Variants in SCAMP1 observed in about 807,000 individuals in gnomAD.
SCAMP1 encodes secretory carrier membrane protein 1.
A neutral mutation model predicts 41.8 loss-of-function variants in SCAMP1; 15 were observed. The observed-to-expected ratio is 0.36, with a 90% confidence interval of 0.24 to 0.55. The LOEUF (loss-of-function observed/expected upper bound fraction) is 0.55. Among genes scored for constraint, SCAMP1 ranks in the 20% least tolerant of loss-of-function variants. SCAMP1 has a pLI of 0.86. For synonymous variants in SCAMP1, 135 were observed against 136.8 expected, an observed-to-expected ratio of 0.99 and a Z score of 0.09; for missense variants, 341 against 412.6, an observed-to-expected ratio of 0.83 and a Z score of 1.50.
intron 7 of SCAMP1, among the ~76,000 whole-genome samples, chr5:78,451,479 C>T (rs1753224121): frequency 6.6e-6 from 1 of 152,158 alleles, no homozygotes; most frequent in Admixed American, 6.6e-5. Flanking sequence ...CCCCTTTTCC[C>T]ACTCCTTAAC....
At chr5:78,421,644 T>C (rs999766582) in intron 5 of SCAMP1, among the ~76,000 whole-genome samples, 157 bp from the exon 6 acceptor site, 8 of 152,224 alleles carry the variant, frequency 5.3e-5, no homozygotes, top group African/African-American at 1.2e-4. Context: ...AAATCAAATA[T>C]GTAAGATACA....
Position 78,480,104 on chromosome 5 carries a change from A to AT in SCAMP1, c.*4437dup, listed in dbSNP as rs1754106795. On this transcript the variant is annotated 3_prime_UTR_variant, in exon 9 of 9. Coordinates refer to ENST00000621999, the MANE Select transcript of SCAMP1 (RefSeq NM_004866.6). ...GCCGTGTTTCAAATGGCAAGGGAAC[A>AT]TGGGAACTATCATGTGGCAATGTAG... Among the ~76,000 whole-genome samples the AT allele has an allele frequency of 6.6e-6, 1 of 152,118 alleles. No homozygotes were observed. Among genetic ancestry groups the AT allele is most frequent in the Non-Finnish European group, 1.5e-5 (1 of 68,028 alleles).
At chr5:78,411,988 TTTGA>T (rs1198312628) in intron 2 of SCAMP1, among the ~76,000 whole-genome samples, 1 of 152,112 alleles carries the variant, frequency 6.6e-6, no homozygotes, top group Non-Finnish European at 1.5e-5. Flanking sequence ...TGTGCATTTC[TTTGA>T]TTACTAATGA....
chr5:78,408,589 T>C (rs1203165156), intron 2 of SCAMP1, among the ~76,000 whole-genome samples: 1 of 152,018 alleles, frequency 6.6e-6, no homozygotes, highest in Non-Finnish European at 1.5e-5. Flanking sequence ...TGGTAGGTTT[T>C]TGGTTTTTGT....
At chr5:78,408,112 C>G (rs1197896518) in intron 2 of SCAMP1, among the ~76,000 whole-genome samples, 1 of 152,056 alleles carries the variant, frequency 6.6e-6, no homozygotes, top group Non-Finnish European at 1.5e-5. Flanking sequence ...TAAAGACATA[C>G]CCGAGACCAG....
At chr5:78,464,842 C>T (rs537129441) in intron 8 of SCAMP1, among the ~76,000 whole-genome samples, 66 of 152,254 alleles carry the variant, frequency 4.3e-4, no homozygotes, top group African/African-American at 1.6e-3. Flanking sequence ...CGGAGAATCA[C>T]AGATTGGGAT....
intron 1 of SCAMP1, among the ~76,000 whole-genome samples, chr5:78,362,295 G>A (rs913576805): frequency 6.6e-6 from 1 of 152,172 alleles, no homozygotes; most frequent in Non-Finnish European, 1.5e-5. Flanking sequence ...TGTTTATTCA[G>A]CATCTGACGA....
intron 2 of SCAMP1, among the ~76,000 whole-genome samples, chr5:78,398,714 T>G (rs1269166356): frequency 6.6e-6 from 1 of 151,798 alleles, no homozygotes; most frequent in African/African-American, 2.4e-5. Context: ...CGCCTACTTT[T>G]TTGTATTTTT....
chr5:78,431,278 C>T (rs1361870117), intron 6 of SCAMP1, among the ~76,000 whole-genome samples: 1 of 140,010 alleles, frequency 7.1e-6, no homozygotes, highest in Non-Finnish European at 1.6e-5. Context: ...TGCTTTTGTA[C>T]TTTTTTTTTT....
At chr5:78,366,919 T>TC (rs1750810873) in intron 1 of SCAMP1, among the ~76,000 whole-genome samples, 1 of 61,184 alleles carries the variant, frequency 1.6e-5, no homozygotes, top group Non-Finnish European at 4.0e-5. Flanking sequence ...AGACCCTGTC[T>TC]CAAAAAAAAA....
At chr5:78,415,485 G>A (rs1479249248) in intron 2 of SCAMP1, 35 bp from the exon 3 acceptor site, 3 of 1,285,266 alleles carry the variant, frequency 2.3e-6, no homozygotes, top group Non-Finnish European at 3.3e-6. Context: ...TTGGATCTCT[G>A]TGTTACATAA....
At chr5:78,366,920 C>CAAAA (rs70998000) in intron 1 of SCAMP1, among the ~76,000 whole-genome samples, 2 of 111,528 alleles carry the variant, frequency 1.8e-5, no homozygotes, top group Non-Finnish European at 1.8e-5. Context: ...GACCCTGTCT[C>CAAAA]AAAAAAAAAA....
chr5:78,411,725 A>G (rs892271900), intron 2 of SCAMP1, among the ~76,000 whole-genome samples: 2 of 152,176 alleles, frequency 1.3e-5, no homozygotes, highest in Non-Finnish European at 2.9e-5. Flanking sequence ...TGTAGTGAGC[A>G]TTCTTGGCAT....
At chr5:78,400,665 T>C in intron 2 of SCAMP1, among the ~76,000 whole-genome samples, 1 of 152,246 alleles carries the variant, frequency 6.6e-6, no homozygotes, top group East Asian at 1.9e-4. Context: ...TGCTGTTACA[T>C]ATGAAAGTGA....
chr5:78,463,794 G>C (rs551218651), intron 8 of SCAMP1, among the ~76,000 whole-genome samples: 1 of 151,870 alleles, frequency 6.6e-6, no homozygotes, highest in South Asian at 2.1e-4. Context: ...ACAACTCTAT[G>C]AATATACTAA....
chr5:78,429,370 T>G (rs1752544782), intron 6 of SCAMP1, among the ~76,000 whole-genome samples: 1 of 151,734 alleles, frequency 6.6e-6, no homozygotes, highest in Admixed American at 6.6e-5. Context: ...TTTAATTTTT[T>G]TTTATCATTA....
intron 6 of SCAMP1, among the ~76,000 whole-genome samples, chr5:78,441,498 A>G (rs1232749854): frequency 6.6e-6 from 1 of 152,174 alleles, no homozygotes; most frequent in Non-Finnish European, 1.5e-5. Context: ...TTAATATTAA[A>G]CTTTTCAAGT....
In SCAMP1 at chr5:78,421,942, C is replaced by T. The variant is rs1221617649; in HGVS notation, c.614C>T (p.Pro205Leu). The change falls in exon 6 of 9, where the codon CCA becomes CTA. Residue 205 changes from proline (P) to leucine (L), a missense_variant. Pro to Leu is a moderately conservative substitution (Grantham distance 98, BLOSUM62 -3). Transcript: ENST00000621999. Reference sequence around the variant, plus strand: ...TGTTCATTTGTCTGTTGGTACAGACCACTTTATGGAGCTTTCAGGTAAAAT... The same window carrying T: ...TGTTCATTTGTCTGTTGGTACAGACTACTTTATGGAGCTTTCAGGTAAAAT... Reference protein sequence around the residue: ...TPCSFVCWYRPLYGAFRSDSS... With the variant: ...TPCSFVCWYRLLYGAFRSDSS... 7 of 1,612,064 alleles carry T rather than the reference C, an allele frequency of 4.3e-6. No individual in the cohort carries two copies. The Admixed American group carries it at 1.0e-4, about 23-fold the overall frequency.
chr5:78,430,060 A>T lies in SCAMP1; in HGVS notation c.632+8100A>T, dbSNP rs1319995562. Among the ~76,000 whole-genome samples, 2 of 118,482 alleles carry T rather than the reference A, an allele frequency of 1.7e-5. 1 individual carries two copies. Among genetic ancestry groups the T allele is most frequent in the East Asian group, 4.2e-4 (2 of 4,818 alleles). The allele number at this position is 118,482 out of a possible 152,430, so 77.7% of individuals were successfully genotyped here. A position where few individuals can be genotyped will look rare whatever the true frequency, so the allele number is the denominator to read the frequency against. On this transcript the variant is annotated intron_variant, in intron 6 of 8. Transcript: ENST00000621999. ...ATAGTATTTACAGTATTTATTTATA[A>T]ATACAGTATTTATTTATAAATACAG...
Sources: allele counts gnomAD v4.1 joint callset (sites outside exome capture counted in the v4.1 genomes callset), GRCh38; gene constraint gnomAD v4.1.1; transcripts MANE v1.5; gene names NCBI Gene and HGNC (gene_info 2026-07-23, HGNC 2026-07-21).